LZTS3: variants seen among roughly 807,000 people sequenced by gnomAD.
LZTS3 encodes leucine zipper putative tumor suppressor 3.
A neutral mutation model predicts 50.9 loss-of-function variants in LZTS3; 16 were observed. That is an observed-to-expected ratio of 0.31 (90% CI 0.21 to 0.48). The LOEUF is 0.48. Ranked by LOEUF, LZTS3 falls within the 20% of genes least tolerant of loss-of-function variation. The pLI is 0.99. For missense variants in LZTS3, 816 were observed against 931.0 expected (o/e 0.88, Z 1.61); for synonymous variants, 408 against 410.6 (o/e 0.99, Z 0.08).
chr20:3,173,311 C>T (rs1231135566), intron 1 of LZTS3, 144 bp downstream of exon 1: 1 of 152,720 alleles, frequency 6.5e-6, no homozygotes, highest in Non-Finnish European at 1.5e-5. Context: ...TCCGCCTCCT[C>T]TCCGCTCCCC....
rs1267357950 is a variant in LZTS3, at chr20:3,164,916, C to A, written c.1560G>T (p.Ala520=). ...GELPAACLKP[A]LTPVDPAEPQ... Reference sequence around the variant, plus strand: ...GCTCGGCCGGGTCCACGGGGGTCAGCGCCGGCTTGAGGCAGGCGGCAGGCA... The same window carrying A: ...GCTCGGCCGGGTCCACGGGGGTCAGAGCCGGCTTGAGGCAGGCGGCAGGCA... The change falls in exon 5 of 5, where the codon GCG becomes GCT. Residue 520 remains alanine (A), a synonymous_variant. Coordinates refer to ENST00000337576, the MANE Select transcript of LZTS3 (RefSeq NM_001365618.1). 6.5e-7 allele frequency: 1 copy of A among 1,548,028 alleles called. No homozygotes were observed. Among genetic ancestry groups the A allele is most frequent in the Non-Finnish European group, 8.7e-7 (1 of 1,153,120 alleles).
rs1289188024 is a variant in LZTS3, at chr20:3,165,637, G to C, written c.1183C>G (p.Arg395Gly). 5 of 1,594,812 alleles carry C rather than the reference G, an allele frequency of 3.1e-6. No homozygotes were observed. Among genetic ancestry groups the C allele is most frequent in the Non-Finnish European group, 3.4e-6 (4 of 1,177,822 alleles). ...AGCTGCTTCTTGTCCTGCTGCAGCC[G>C]CAACACCTGCAGCTGTAGGCCCTGC... ...AQQGLQLQVL[R>G]LQQDKKQLQE... The change falls in exon 4 of 5, where the codon CGG (arginine) becomes GGG (glycine). Residue 395 changes from arginine (R) to glycine (G), a missense_variant. Physicochemically the swap from Arg to Gly is moderately radical, Grantham distance 125. This residue lies in a region of LZTS3 where 700 missense variants were observed against 769.4 expected (regional missense o/e 0.91). Transcript: ENST00000337576. The surrounding 1 kb of genome is among the most constrained non-coding windows in gnomAD (Gnocchi z 5.0).
rs558974129 is a variant in LZTS3, at chr20:3,165,395, C to A, written c.1323+102G>T. 8 of 1,046,554 alleles carry A rather than the reference C, an allele frequency of 7.6e-6. No individual in the cohort carries two copies. Among genetic ancestry groups the A allele is most frequent in the Admixed American group, 5.2e-5 (2 of 38,178 alleles). 64.8% of individuals were successfully genotyped at this position (1,046,554 alleles called of 1,614,324 possible). On this transcript the variant is annotated intron_variant, in intron 4 of 4. Transcript: ENST00000337576. The surrounding 1 kb of genome is among the most constrained non-coding windows in gnomAD (Gnocchi z 5.0). ...TTTGTCCCCCCTGCTCCTTTCATCC[C>A]CCCCCCCATCCCACCGTTATGATAG...
rs959144924 is a variant in LZTS3 at position 3,165,736 on chromosome 20, G to A, written c.1084C>T (p.Arg362Trp). Residue 362 changes from arginine (R) to tryptophan (W), a missense_variant, in exon 4 of 5, where the codon CGG (arginine) becomes TGG (tryptophan). By Grantham distance (101) the Arg-to-Trp change is moderately radical. This residue lies in a region of LZTS3 where 700 missense variants were observed against 769.4 expected (regional missense o/e 0.91). Coordinates refer to ENST00000337576, the MANE Select transcript of LZTS3 (RefSeq NM_001365618.1). The surrounding 1 kb of genome is among the most constrained non-coding windows in gnomAD (Gnocchi z 5.0). ...VLEERQKAWE[R>W]ELAELRQGCS... ...CCCTGCCGCAGCTCGGCCAGCTCCC[G>A]CTCCCACGCCTTCTGCCGCTCCTCC... The A allele has an allele frequency of 1.3e-6, 2 of 1,575,050 alleles. No individual in the cohort carries two copies. The highest frequency in any genetic ancestry group is 1.7e-6 in the Non-Finnish European group (2 of 1,168,196).
In LZTS3 at chr20:3,165,400, C is replaced by G. The variant is rs989119679; in HGVS notation, c.1323+97G>C. 1.9e-5 allele frequency: 25 copies of G among 1,287,128 alleles called. No homozygotes were observed. Among genetic ancestry groups the G allele is most frequent in the Middle Eastern group, 2.8e-4 (1 of 3,542 alleles). 79.7% of individuals were successfully genotyped at this position (1,287,128 alleles called of 1,614,324 possible). The stretch of plus-strand genomic sequence containing the variant: ...CCCCCCTGCTCCTTTCATCCCCCCC[C>G]CCATCCCACCGTTATGATAGTGAGG... On this transcript the variant is annotated intron_variant, in intron 4 of 4. Transcript: ENST00000337576. The surrounding 1 kb of genome is among the most constrained non-coding windows in gnomAD (Gnocchi z 5.0).
At chr20:3,170,504 A>AAAAAAAAAAAAAAAG (rs2066891295) in intron 1 of LZTS3, among the ~76,000 whole-genome samples, 1 of 150,328 alleles carries the variant, frequency 6.7e-6, no homozygotes, top group African/African-American at 2.5e-5. Flanking sequence ...AAAAAAAAAA[A>AAAAAAAAAAAAAAAG]AACAGGTTGG....
chr20:3,165,391 ATC>A lies in LZTS3; in HGVS notation c.1323+104_1323+105del, dbSNP rs1491347339. 4,933 of 932,416 alleles carry A rather than the reference ATC, an allele frequency of 5.3e-3. 83 individuals carry two copies. Among genetic ancestry groups the A allele is most frequent in the African/African-American group, 0.025 (1,158 of 47,102 alleles). The allele number at this position is 932,416 out of a possible 1,614,324, so 57.8% of individuals were successfully genotyped here. On this transcript the variant is annotated intron_variant, in intron 4 of 4. Transcript: ENST00000337576. This position sits in a 1 kb window ranked among gnomAD's most constrained non-coding sequence, Gnocchi z 5.0. Reference sequence around the variant, plus strand: ...GATTTTTGTCCCCCCTGCTCCTTTCATCCCCCCCCCCATCCCACCGTTATGAT... The same window carrying A: ...GATTTTTGTCCCCCCTGCTCCTTTCACCCCCCCCCATCCCACCGTTATGAT...
chr20:3,164,994 C>A lies in LZTS3; in HGVS notation c.1482G>T (p.Leu494=). 6.4e-7 allele frequency: 1 copy of A among 1,557,512 alleles called. No homozygotes were observed. Among genetic ancestry groups the A allele is most frequent in the Non-Finnish European group, 8.7e-7 (1 of 1,154,668 alleles). ...LREKEEQLLS[L]RDSFSSKQAS... is the part of the protein sequence containing the mutation. ...CCTGCTTGCTGCTGAAGGAGTCCCGCAGGCTGAGCAGCTGCTCCTCCTTCT... is the reference window on the plus strand; with the variant it reads ...CCTGCTTGCTGCTGAAGGAGTCCCGAAGGCTGAGCAGCTGCTCCTCCTTCT... Residue 494 remains leucine, a synonymous_variant, in exon 5 of 5, where the codon CTG becomes CTT. Coordinates refer to ENST00000337576, the MANE Select transcript of LZTS3 (RefSeq NM_001365618.1).
intron 1 of LZTS3, among the ~76,000 whole-genome samples, chr20:3,173,181 T>TC: frequency 6.6e-6 from 1 of 151,806 alleles, no homozygotes; most frequent in East Asian, 1.9e-4. Context: ...CTCCCCAGGC[T>TC]CCCCACCAAC....
In LZTS3 at chr20:3,166,750, G is replaced by A. The variant is rs1003271161; in HGVS notation, c.414C>T (p.Pro138=). Residue 138 remains proline (P), a synonymous_variant, in exon 3 of 5, where the codon CCC becomes CCT. Transcript: ENST00000337576. The part of the protein sequence containing the change: ...SDKAPPQYRE[P]SHPPKLLATS... ...TGGCCAGGAGCTTGGGTGGGTGGCT[G>A]GGCTCACGATACTGCGGTGGGGCTT... is the stretch of plus-strand genomic sequence containing the variant. 1 of 1,613,752 alleles carries A rather than the reference G, an allele frequency of 6.2e-7. No individual in the cohort carries two copies. The highest frequency in any genetic ancestry group is 1.3e-5 in the African/African-American group (1 of 74,916).
rs969579324 is a variant in LZTS3, at chr20:3,163,770, T to C, written c.*684A>G. The C allele has an allele frequency of 2.0e-5, 3 of 152,436 alleles. No individual in the cohort carries two copies. Among genetic ancestry groups the C allele is most frequent in the African/African-American group, 7.2e-5 (3 of 41,440 alleles). 9.4% of individuals were successfully genotyped at this position (152,436 alleles called of 1,614,324 possible). A position where few individuals can be genotyped will look rare whatever the true frequency, so the allele number is the denominator to read the frequency against. On this transcript the variant is annotated 3_prime_UTR_variant, in exon 5 of 5. Coordinates refer to ENST00000337576, the MANE Select transcript of LZTS3 (RefSeq NM_001365618.1). The surrounding 1 kb of genome is among the most constrained non-coding windows in gnomAD (Gnocchi z 5.2). The stretch of plus-strand genomic sequence containing the variant: ...CAAGAACAGGAGGACAGATCTTCCC[T>C]GGGTGCTGGACTTCCAGCCCCAGTC...
rs776591492 is a variant in LZTS3 at position 3,167,135 on chromosome 20, C to T, written c.29G>A (p.Arg10His). 1.5e-5 allele frequency: 23 copies of T among 1,493,596 alleles called. No homozygotes were observed. Among genetic ancestry groups the T allele is most frequent in the African/African-American group, 2.8e-5 (2 of 72,090 alleles). 92.5% of individuals were successfully genotyped at this position (1,493,596 alleles called of 1,614,324 possible). ...GAGAGGATCCCGCCCTGGGTCAGCG[C>T]GCACAGGCAGCGTCTCCAGCTTCGC... MAKLETLPV[R>H]ADPGRDPLLA... The change falls in exon 3 of 5, where the codon CGC becomes CAC. Residue 10 changes from arginine to histidine, a missense_variant. Arg to His is a conservative substitution (Grantham distance 29). This residue lies in a region of LZTS3 where 700 missense variants were observed against 769.4 expected (regional missense o/e 0.91). Transcript: ENST00000337576.
chr20:3,166,437 A>C (rs2066822530), intron 3 of LZTS3, 77 bp from the exon 4 acceptor site: 2 of 1,482,232 alleles, frequency 1.3e-6, no homozygotes, highest in Admixed American at 2.3e-5. Context: ...TCTGGCCAAG[A>C]CTTGTCCAGC....
chr20:3,167,035 C>G lies in LZTS3; in HGVS notation c.129G>C (p.Gly43=), dbSNP rs2066838007. 1 of 1,578,332 alleles carries G rather than the reference C, an allele frequency of 6.3e-7. No individual in the cohort carries two copies. Among genetic ancestry groups the G allele is most frequent in the African/African-American group, 1.3e-5 (1 of 74,512 alleles). The change falls in exon 3 of 5, where the codon GGG becomes GGC. Residue 43 remains glycine (G), a synonymous_variant. Coordinates refer to ENST00000337576, the MANE Select transcript of LZTS3 (RefSeq NM_001365618.1). The part of the protein sequence containing the change: ...PRLAMGSVGS[G]VAHAQEFAMK... ...TGGCAAACTCCTGGGCATGGGCCAC[C>G]CCACTGCCCACGCTGCCCATGGCCA...
rs2122152799 is a variant in LZTS3 at position 3,162,954 on chromosome 20, AG to A, written c.*1499del. On this transcript the variant is annotated 3_prime_UTR_variant, in exon 5 of 5. Transcript: ENST00000337576. The surrounding 1 kb of genome is among the most constrained non-coding windows in gnomAD (Gnocchi z 5.0). ...GTGCAGAGGGTTAGAGGCCACACAG[AG>A]GGGCACTCATGTTTTTGTGGGGGAT... 1 of 152,598 alleles carries A rather than the reference AG, an allele frequency of 6.6e-6. No homozygotes were observed. The highest frequency in any genetic ancestry group is 2.4e-5 in the African/African-American group (1 of 41,506). The allele number at this position is 152,598 out of a possible 1,614,324, so 9.5% of individuals were successfully genotyped here.
At position 3,164,503 on chromosome 20, in the gene LZTS3, T is replaced by G; in HGVS notation, c.1973A>C (p.Lys658Thr). ...TPTPQHGEEKKAWTPSRLERI... is the reference protein window; with the variant it reads ...TPTPQHGEEKTAWTPSRLERI... ...CTCGAGGCGGGAGGGGGTCCAGGCC[T>G]TCTTCTCCTCGCCATGCTGGGGAGT... Residue 658 changes from lysine (K) to threonine (T), a missense_variant, in exon 5 of 5, where the codon AAG (lysine) becomes ACG (threonine). Physicochemically the swap from Lys to Thr is moderately conservative, Grantham distance 78. Coordinates refer to ENST00000337576, the MANE Select transcript of LZTS3 (RefSeq NM_001365618.1). 6.3e-7 allele frequency: 1 copy of G among 1,583,174 alleles called. No homozygotes were observed. Among genetic ancestry groups the G allele is most frequent in the Non-Finnish European group, 8.6e-7 (1 of 1,162,924 alleles).
At position 3,165,696 on chromosome 20, in the gene LZTS3, A is replaced by T. The variant is rs1351175014; in HGVS notation, c.1124T>A (p.Leu375Gln). ...CTGGGCACGTCGGGCCACCTGCTGT[A>T]GCTTCCCGCTGCAGCCCTGCCGCAG... ...AELRQGCSGKLQQVARRAQRA... is the reference protein window; with the variant it reads ...AELRQGCSGKQQQVARRAQRA... The change falls in exon 4 of 5, where the codon CTA becomes CAA. Residue 375 changes from leucine (L) to glutamine (Q), a missense_variant. Transcript: ENST00000337576. The surrounding 1 kb of genome is among the most constrained non-coding windows in gnomAD (Gnocchi z 5.0). The T allele has an allele frequency of 1.1e-5, 17 of 1,574,648 alleles. No individual in the cohort carries two copies. Among genetic ancestry groups the T allele is most frequent in the African/African-American group, 1.3e-5 (1 of 74,232 alleles).
At chr20:3,169,918 A>C (rs562537855) in intron 1 of LZTS3, among the ~76,000 whole-genome samples, 1 of 140,198 alleles carries the variant, frequency 7.1e-6, no homozygotes, top group East Asian at 2.1e-4. Flanking sequence ...CTAGATGGAG[A>C]GAGATTGAGA....
Position 3,167,242 on chromosome 20 carries a change from A to G in LZTS3, c.-18-61T>C, listed in dbSNP as rs1408804372. The G allele has an allele frequency of 3.2e-5, 46 of 1,422,410 alleles. No individual in the cohort carries two copies. In the East Asian group the frequency reaches 1.1e-3, roughly 33 times the overall value. 88.1% of individuals were successfully genotyped at this position (1,422,410 alleles called of 1,614,324 possible). ...ACCCTACTCCTATTCCCACCACCCC[A>G]GCCAAGTCAACCCGGCACCGCTCTG... On this transcript the variant is annotated intron_variant, in intron 2 of 4. Transcript: ENST00000337576.
Sources: gnomAD v4.1 joint callset for allele counts (sites outside exome capture counted in the v4.1 genomes callset) on GRCh38, gnomAD v4.1.1 for gene constraint, gnomAD v4.1.1 regional missense constraint, Gnocchi (gnomAD v3.1) non-coding constraint, MANE v1.5 for transcripts, NCBI Gene and HGNC (gene_info 2026-07-23, HGNC 2026-07-21) for gene names.